PPARA: variants seen among roughly 807,000 people sequenced by gnomAD.
PPARA encodes peroxisome proliferator activated receptor alpha, also known as peroxisome proliferator-activated receptor alpha.
A neutral mutation model predicts 42.2 loss-of-function variants in PPARA; 22 were observed. That is an observed-to-expected ratio of 0.52 (90% CI 0.37 to 0.74). The LOEUF is 0.74. Ranked by LOEUF, PPARA falls within the 30% of genes least tolerant of loss-of-function variation. The pLI is 0.00. For synonymous variants in PPARA, 242 were observed against 239.3 expected (o/e 1.01, Z -0.10); for missense variants, 465 against 608.2 (o/e 0.76, Z 2.48).
chr22:46,170,169 G>T (rs930102504), intron 2 of PPARA, among the ~76,000 whole-genome samples: 1 of 148,850 alleles, frequency 6.7e-6, no homozygotes, highest in African/African-American at 2.5e-5. Context: ...TTAAATACTT[G>T]TACTGTATAC....
rs933537778 is a variant in PPARA, at chr22:46,166,631, A to C, written c.-126-10122A>C. Among the ~76,000 whole-genome samples the C allele has an allele frequency of 2.6e-5, 4 of 151,950 alleles. No homozygotes were observed. The East Asian group carries it at 5.8e-4, about 22-fold the overall frequency. Reference sequence around the variant, plus strand: ...AGACTACCATCTCAAAAAAAAAAAAACAAAAAACAGTAATCAAGCATGAAA... The same window carrying C: ...AGACTACCATCTCAAAAAAAAAAAACCAAAAAACAGTAATCAAGCATGAAA... On this transcript the variant is annotated intron_variant, in intron 2 of 8. Transcript: ENST00000407236.
intron 4 of PPARA, among the ~76,000 whole-genome samples, chr22:46,202,474 C>T (rs905351818): frequency 1.1e-4 from 17 of 151,704 alleles, no homozygotes; most frequent in African/African-American, 3.9e-4. Context: ...ACGGTGGTCA[C>T]GTGTGTAATC....
At chr22:46,185,916 AATATATAT>A (rs59733161) in intron 3 of PPARA, among the ~76,000 whole-genome samples, 53 of 25,300 alleles carry the variant, frequency 2.1e-3, no homozygotes, top group African/African-American at 6.7e-3. Context: ...AAAAAAAAAA[AATATATAT>A]ATATATATAT....
At position 46,194,896 on chromosome 22, in the gene PPARA, T is replaced by TC. The variant is rs57357566; in HGVS notation, c.-42-3446_-42-3445insC. ...GCCCCAGCTACCTGTTTTCTTTCTTTTTTTTTTTTTTTTTTCTTTTTTTGA... is the reference window on the plus strand; with the variant it reads ...GCCCCAGCTACCTGTTTTCTTTCTTTCTTTTTTTTTTTTTTTCTTTTTTTGA... On this transcript the variant is annotated intron_variant, in intron 3 of 8. Coordinates refer to ENST00000407236, the MANE Select transcript of PPARA (RefSeq NM_005036.6). Among the ~76,000 whole-genome samples, 231 of 135,508 alleles carry TC rather than the reference T, an allele frequency of 1.7e-3. 2 individuals carry two copies. Among genetic ancestry groups the TC allele is most frequent in the African/African-American group, 6.5e-3 (214 of 32,904 alleles). The allele number at this position is 135,508 out of a possible 152,430, so 88.9% of individuals were successfully genotyped here.
rs1935352589 is a variant in PPARA at position 46,225,574 on chromosome 22, C to T, written c.711+5560C>T. On this transcript the variant is annotated intron_variant, in intron 7 of 8. Coordinates refer to ENST00000407236, the MANE Select transcript of PPARA (RefSeq NM_005036.6). This position sits in a 1 kb window ranked among gnomAD's most constrained non-coding sequence, Gnocchi z 4.1. Reference sequence around the variant, plus strand: ...ACACACATACACGTGCACCCACATGCATGCTCACACACATGCACCCACAGT... The same window carrying T: ...ACACACATACACGTGCACCCACATGTATGCTCACACACATGCACCCACAGT... 6.6e-6 allele frequency among the ~76,000 whole-genome samples: 1 copy of T among 151,416 alleles called. No homozygotes were observed. The highest frequency in any genetic ancestry group is 2.4e-5 in the African/African-American group (1 of 41,118).
rs565175483 is a variant in PPARA at position 46,156,347 on chromosome 22, G to C, written c.-127+4377G>C. On this transcript the variant is annotated intron_variant, in intron 2 of 8. Coordinates refer to ENST00000407236, the MANE Select transcript of PPARA (RefSeq NM_005036.6). The surrounding 1 kb of genome is among the most constrained non-coding windows in gnomAD (Gnocchi z 5.2). Reference sequence around the variant, plus strand: ...ACCTCTCTGAAGGGCTGTGAAGCTCGAAGTGGCAGCTTAAAAAACTGCCCA... The same window carrying C: ...ACCTCTCTGAAGGGCTGTGAAGCTCCAAGTGGCAGCTTAAAAAACTGCCCA... 1 of 152,158 alleles carries C rather than the reference G, an allele frequency of 6.6e-6. No homozygotes were observed. Among genetic ancestry groups the C allele is most frequent in the African/African-American group, 2.4e-5 (1 of 41,422 alleles). 9.4% of individuals were successfully genotyped at this position (152,158 alleles called of 1,614,324 possible).
chr22:46,235,201 C>T lies in PPARA; in HGVS notation c.1228C>T (p.Leu410Phe). 6.2e-7 allele frequency: 1 copy of T among 1,614,058 alleles called. No individual in the cohort carries two copies. Among genetic ancestry groups the T allele is most frequent in the Non-Finnish European group, 8.5e-7 (1 of 1,179,934 alleles). Residue 410 changes from leucine (L) to phenylalanine (F), a missense_variant, in exon 9 of 9, where the codon CTC (leucine) becomes TTC (phenylalanine). Physicochemically the swap from Leu to Phe is conservative, Grantham distance 22. Transcript: ENST00000407236. The surrounding 1 kb of genome is among the most constrained non-coding windows in gnomAD (Gnocchi z 7.0). ...GGAGGGTATTGTACATGTGCTCAGA[C>T]TCCACCTGCAGAGCAACCACCCGGA... ...MQEGIVHVLR[L>F]HLQSNHPDDI...
intron 2 of PPARA, among the ~76,000 whole-genome samples, chr22:46,175,075 G>A (rs1044492141): frequency 1.3e-5 from 2 of 151,728 alleles, no homozygotes; most frequent in African/African-American, 4.8e-5. Flanking sequence ...CACCTGGCTC[G>A]TTTTTATATT....
At chr22:46,170,860 G>A (rs1469790452) in intron 2 of PPARA, among the ~76,000 whole-genome samples, 2 of 151,690 alleles carry the variant, frequency 1.3e-5, no homozygotes, top group Non-Finnish European at 2.9e-5. Context: ...GAAAGAAGTA[G>A]GATAAAGTAC....
At position 46,240,407 on chromosome 22, in the gene PPARA, A is replaced by C; in HGVS notation, c.*5027A>C. On this transcript the variant is annotated 3_prime_UTR_variant, in exon 9 of 9. Coordinates refer to ENST00000407236, the MANE Select transcript of PPARA (RefSeq NM_005036.6). The surrounding 1 kb of genome is among the most constrained non-coding windows in gnomAD (Gnocchi z 6.0). ...CTAGACTCTTGCACCTGGTGAGTGC[A>C]AGGATAGGTGACCCAGGGGCCTGCA... 2 of 396,190 alleles carry C rather than the reference A, an allele frequency of 5.0e-6. No individual in the cohort carries two copies. The highest frequency in any genetic ancestry group is 3.6e-5 in the East Asian group (1 of 27,980). The allele number at this position is 396,190 out of a possible 1,614,324, so 24.5% of individuals were successfully genotyped here. A position where few individuals can be genotyped will look rare whatever the true frequency, so the allele number is the denominator to read the frequency against.
Position 46,231,893 on chromosome 22 carries a change from C to T in PPARA, c.813C>T (p.Arg271=), listed in dbSNP as rs144521576. The change falls in exon 8 of 9, where the codon CGC becomes CGT. Residue 271 remains arginine, a synonymous_variant. Coordinates refer to ENST00000407236, the MANE Select transcript of PPARA (RefSeq NM_005036.6). The surrounding 1 kb of genome is among the most constrained non-coding windows in gnomAD (Gnocchi z 7.7). ...TCCAGAACAAGGAGGCGGAGGTCCG[C>T]ATCTTTCACTGCTGCCAGTGCACGT... ...NGIQNKEAEV[R]IFHCCQCTSV... 83 of 1,614,158 alleles carry T rather than the reference C, an allele frequency of 5.1e-5. No homozygotes were observed. The African/African-American group carries it at 9.3e-4, about 18-fold the overall frequency.
intron 6 of PPARA, among the ~76,000 whole-genome samples, chr22:46,218,847 AAAGAAAAAG>A (rs1410468176): frequency 0.046 from 6,286 of 137,346 alleles, 448 homozygotes; most frequent in African/African-American, 0.17. Flanking sequence ...AAAAAAAAAA[AAAGAAAAAG>A]AAAGAAAGAA....
chr22:46,185,139 G>A (rs749483280), intron 3 of PPARA, among the ~76,000 whole-genome samples: 1 of 152,126 alleles, frequency 6.6e-6, no homozygotes, highest in African/African-American at 2.4e-5. Flanking sequence ...TTATTTGGTT[G>A]AGTTTTGTCT....
rs1932307972 is a variant in PPARA at position 46,196,923 on chromosome 22, A to C, written c.-42-1419A>C. Among the ~76,000 whole-genome samples, 1 of 151,600 alleles carries C rather than the reference A, an allele frequency of 6.6e-6. No individual in the cohort carries two copies. The highest frequency in any genetic ancestry group is 2.4e-5 in the African/African-American group (1 of 41,184). On this transcript the variant is annotated intron_variant, in intron 3 of 8. Transcript: ENST00000407236. This position sits in a 1 kb window ranked among gnomAD's most constrained non-coding sequence, Gnocchi z 5.6. ...TTTTTAGTAGAGACAGAGTTTCATC[A>C]TGTTGGTCAAGCTGCCCTCCAACTC...
rs1934521993 is a variant in PPARA at position 46,216,659 on chromosome 22, G to A, written c.369+1326G>A. 6.6e-6 allele frequency among the ~76,000 whole-genome samples: 1 copy of A among 152,288 alleles called. No homozygotes were observed. Among genetic ancestry groups the A allele is most frequent in the Admixed American group, 6.5e-5 (1 of 15,288 alleles). On this transcript the variant is annotated intron_variant, in intron 5 of 8. Coordinates refer to ENST00000407236, the MANE Select transcript of PPARA (RefSeq NM_005036.6). This position sits in a 1 kb window ranked among gnomAD's most constrained non-coding sequence, Gnocchi z 4.5. The stretch of plus-strand genomic sequence containing the variant: ...CTGCACATCAGGGGCTTCTCCACCT[G>A]ATTCAAGCGACAGGAACCCCCTGTG...
rs545229816 is a variant in PPARA, at chr22:46,225,724, C to T, written c.711+5710C>T. Among the ~76,000 whole-genome samples the T allele has an allele frequency of 1.2e-3, 180 of 151,498 alleles. 1 individual carries two copies. The highest frequency in any genetic ancestry group is 4.0e-3 in the African/African-American group (166 of 41,216). On this transcript the variant is annotated intron_variant, in intron 7 of 8. Coordinates refer to ENST00000407236, the MANE Select transcript of PPARA (RefSeq NM_005036.6). This position sits in a 1 kb window ranked among gnomAD's most constrained non-coding sequence, Gnocchi z 4.1. ...ACACACACATGCACCCACACGCACA[C>T]AAGCATCCATGCTCACATGGGTACA...
At chr22:46,177,463 C>CAA (rs34148860) in intron 3 of PPARA, among the ~76,000 whole-genome samples, 4 of 86,404 alleles carry the variant, frequency 4.6e-5, no homozygotes, top group African/African-American at 6.9e-5. Flanking sequence ...GACTCCATCT[C>CAA]AAAAAAAAAA....
Position 46,182,141 on chromosome 22 carries a change from C to T in PPARA, c.-43+5305C>T, listed in dbSNP as rs2147267376. On this transcript the variant is annotated intron_variant, in intron 3 of 8. Transcript: ENST00000407236. This position sits in a 1 kb window ranked among gnomAD's most constrained non-coding sequence, Gnocchi z 5.2. ...GATTACAGGTGTGAACCACCATGCC[C>T]AGCCAGCAGTTTCTTATAAAGTTAA... 6.6e-6 allele frequency among the ~76,000 whole-genome samples: 1 copy of T among 152,314 alleles called. No individual in the cohort carries two copies. Among genetic ancestry groups the T allele is most frequent in the East Asian group, 1.9e-4 (1 of 5,182 alleles).
rs2147637167 is a variant in PPARA at position 46,224,918 on chromosome 22, TTCAGA to T, written c.711+4911_711+4915del. ...CTTCTGTCAAGATCAGCTCGTGGCC[TTCAGA>T]TCAGATGACGCAAAGCCCCATGGCT... On this transcript the variant is annotated intron_variant, in intron 7 of 8. Coordinates refer to ENST00000407236, the MANE Select transcript of PPARA (RefSeq NM_005036.6). The surrounding 1 kb of genome is among the most constrained non-coding windows in gnomAD (Gnocchi z 5.7). 2.0e-5 allele frequency among the ~76,000 whole-genome samples: 3 copies of T among 146,446 alleles called. No homozygotes were observed. Among genetic ancestry groups the T allele is most frequent in the African/African-American group, 7.4e-5 (3 of 40,340 alleles).
Sources: allele counts gnomAD v4.1 joint callset (sites outside exome capture counted in the v4.1 genomes callset), GRCh38; gene constraint gnomAD v4.1.1; non-coding constraint Gnocchi (gnomAD v3.1); transcripts MANE v1.5; gene names NCBI Gene and HGNC (gene_info 2026-07-23, HGNC 2026-07-21).